Variants in CNTNAP2 observed in about 807,000 individuals in gnomAD.
CNTNAP2 encodes contactin associated protein 2, also known as contactin-associated protein-like 2.
A neutral mutation model predicts 155.2 loss-of-function variants in CNTNAP2; 98 were observed. The ratio of observed to expected loss-of-function variants is 0.63; its 90% CI spans 0.54 to 0.75. CNTNAP2 has a LOEUF of 0.75. CNTNAP2 is among the 30% of genes least tolerant of loss of function. The pLI is 0.00. For missense variants in CNTNAP2, 1,727 were observed against 1,688.1 expected (o/e 1.02, Z -0.40); for synonymous variants, 651 against 631.2 (o/e 1.03, Z -0.47).
intron 1 of CNTNAP2, among the ~76,000 whole-genome samples, chr7:146,126,545 A>G (rs1332552373): frequency 6.6e-6 from 1 of 152,190 alleles, no homozygotes; most frequent in East Asian, 1.9e-4. Context: ...CATTTATTTA[A>G]AGCTATGTAA....
chr7:148,100,926 T>C (rs924824726), intron 15 of CNTNAP2, among the ~76,000 whole-genome samples: 2 of 152,070 alleles, frequency 1.3e-5, no homozygotes, highest in Admixed American at 6.6e-5. Context: ...GTGGCACATA[T>C]ACACCATGGA....
intron 1 of CNTNAP2, among the ~76,000 whole-genome samples, chr7:146,396,341 A>G (rs997445561): frequency 2.0e-5 from 3 of 152,086 alleles, no homozygotes; most frequent in Non-Finnish European, 4.4e-5. Context: ...ATTTAATCAT[A>G]TGATATTTTA....
intron 18 of CNTNAP2, among the ~76,000 whole-genome samples, chr7:148,188,286 T>A (rs1795152065): frequency 6.6e-6 from 1 of 152,198 alleles, no homozygotes; most frequent in Non-Finnish European, 1.5e-5. Flanking sequence ...GGGAGGATGG[T>A]AATACCATCT....
chr7:147,535,119 G>A (rs998083414), intron 11 of CNTNAP2, among the ~76,000 whole-genome samples: 7 of 152,174 alleles, frequency 4.6e-5, no homozygotes, highest in South Asian at 2.1e-4. Flanking sequence ...AAGGCCGGGC[G>A]CGGTGGTTCA....
chr7:146,809,275 G>A (rs1803022145), intron 2 of CNTNAP2, among the ~76,000 whole-genome samples: 1 of 152,110 alleles, frequency 6.6e-6, no homozygotes, highest in South Asian at 2.1e-4. Flanking sequence ...CAGGTGTAAT[G>A]TGATTGTCTT....
At chr7:147,550,845 G>A (rs1285580047) in intron 11 of CNTNAP2, among the ~76,000 whole-genome samples, 6 of 152,106 alleles carry the variant, frequency 3.9e-5, no homozygotes, top group Non-Finnish European at 7.4e-5. Flanking sequence ...GAAAATATAT[G>A]TACTATATGT....
chr7:147,530,623 C>G (rs1799415213), intron 11 of CNTNAP2, among the ~76,000 whole-genome samples: 1 of 152,134 alleles, frequency 6.6e-6, no homozygotes, highest in African/African-American at 2.4e-5. Flanking sequence ...ATTCAGTTAC[C>G]TCCCCCTCAG....
At chr7:147,827,759 A>G (rs1040908360) in intron 13 of CNTNAP2, among the ~76,000 whole-genome samples, 2 of 152,310 alleles carry the variant, frequency 1.3e-5, no homozygotes, top group African/African-American at 4.8e-5. Context: ...TTTAGAAAGT[A>G]TGAGAGGGTA....
intron 3 of CNTNAP2, among the ~76,000 whole-genome samples, chr7:146,972,147 G>T (rs1797813433): frequency 6.6e-6 from 1 of 152,180 alleles, no homozygotes. Flanking sequence ...CCTTGAAGAT[G>T]ATTAGATACT....
intron 10 of CNTNAP2, among the ~76,000 whole-genome samples, chr7:147,468,755 G>A (rs562389437): frequency 3.0e-4 from 46 of 152,254 alleles, no homozygotes; most frequent in African/African-American, 1.0e-3. Flanking sequence ...GAAACACTTT[G>A]ACATTCCTCA....
chr7:146,275,061 C>A lies in CNTNAP2; in HGVS notation c.97+158088C>A, dbSNP rs539969906. 2.0e-3 allele frequency among the ~76,000 whole-genome samples: 308 copies of A among 152,224 alleles called. 3 individuals carry two copies. The highest frequency in any genetic ancestry group is 7.0e-3 in the African/African-American group (290 of 41,546). On this transcript the variant is annotated intron_variant, in intron 1 of 23. Transcript: ENST00000361727. Reference sequence around the variant, plus strand: ...GGCTTTCATATAGACTTGTTTTTGACATGGTGCATTTTTAGATCCTGAATA... The same window carrying A: ...GGCTTTCATATAGACTTGTTTTTGAAATGGTGCATTTTTAGATCCTGAATA...
At chr7:146,311,149 TGACACC>T (rs769448649) in intron 1 of CNTNAP2, among the ~76,000 whole-genome samples, 31 of 152,330 alleles carry the variant, frequency 2.0e-4, no homozygotes, top group Non-Finnish European at 3.4e-4. Flanking sequence ...AACAAAGCAA[TGACACC>T]ACACAGTTTT....
At chr7:148,354,028 C>G (rs1175357971) in intron 21 of CNTNAP2, among the ~76,000 whole-genome samples, 1 of 152,150 alleles carries the variant, frequency 6.6e-6, no homozygotes, top group Admixed American at 6.5e-5. Context: ...ACTTTTAACC[C>G]TAACTTTGTG....
intron 12 of CNTNAP2, among the ~76,000 whole-genome samples, chr7:147,630,752 G>A (rs563454439): frequency 9.2e-5 from 14 of 152,168 alleles, no homozygotes; most frequent in Middle Eastern, 3.4e-3. Flanking sequence ...TGCAGAAAAA[G>A]CATTTGACAA....
At chr7:147,176,973 A>C (rs911475398) in intron 8 of CNTNAP2, among the ~76,000 whole-genome samples, 5 of 139,240 alleles carry the variant, frequency 3.6e-5, no homozygotes, top group African/African-American at 1.1e-4. Flanking sequence ...AATTCTATAT[A>C]TAAAATTATA....
At chr7:147,980,394 A>T (rs1279598694) in intron 15 of CNTNAP2, among the ~76,000 whole-genome samples, 2 of 152,230 alleles carry the variant, frequency 1.3e-5, no homozygotes, top group African/African-American at 4.8e-5. Flanking sequence ...ACATTACATG[A>T]TCTCAGTATA....
At chr7:147,302,514 T>A (rs983986952) in intron 9 of CNTNAP2, among the ~76,000 whole-genome samples, 18 of 152,222 alleles carry the variant, frequency 1.2e-4, no homozygotes, top group African/African-American at 4.3e-4. Flanking sequence ...ATCACGATGC[T>A]TGTTTTGTTA....
intron 3 of CNTNAP2, among the ~76,000 whole-genome samples, chr7:146,971,174 T>A (rs1482558355): frequency 6.6e-6 from 1 of 151,836 alleles, no homozygotes; most frequent in African/African-American, 2.4e-5. Context: ...AACCTGCACA[T>A]TGGTCACATG....
chr7:148,359,845 TG>T (rs1045994927), intron 21 of CNTNAP2, among the ~76,000 whole-genome samples: 30 of 152,372 alleles, frequency 2.0e-4, no homozygotes, highest in African/African-American at 7.2e-4. Flanking sequence ...ATGTTTAGTT[TG>T]GGATATTCAG....
Sources: allele counts gnomAD v4.1 joint callset (sites outside exome capture counted in the v4.1 genomes callset), GRCh38; gene constraint gnomAD v4.1.1; transcripts MANE v1.5; gene names NCBI Gene and HGNC (gene_info 2026-07-23, HGNC 2026-07-21).